Variants in TSPAN15 observed in about 807,000 individuals in gnomAD.
The protein encoded by TSPAN15 is tetraspanin-15.
Under a neutral mutation model 34.5 loss-of-function variants are expected in TSPAN15, and 20 were observed. That is an observed-to-expected ratio of 0.58 (90% CI 0.41 to 0.84). The LOEUF (loss-of-function observed/expected upper bound fraction) is 0.84, where lower values mean the gene tolerates loss of function less well. Among genes scored for constraint, TSPAN15 ranks in the 40% least tolerant of loss-of-function variants. TSPAN15 has a pLI of 0.00. For missense variants in TSPAN15, 313 were observed against 386.1 expected (o/e 0.81, Z 1.59); for synonymous variants, 155 against 153.9 (o/e 1.01, Z -0.05).
At chr10:69,511,709 T>C (rs1229608094), downstream of TSPAN15, among the ~76,000 whole-genome samples, 2 of 152,232 alleles carry the variant, frequency 1.3e-5, no homozygotes, top group Non-Finnish European at 2.9e-5. Context: ...TGTGGGCATT[T>C]AGTGCTATAA....
chr10:69,455,602 TTCTTTCTCTC>T (rs1382917373), intron 1 of TSPAN15, among the ~76,000 whole-genome samples: 1 of 118,758 alleles, frequency 8.4e-6, no homozygotes, highest in Admixed American at 8.2e-5. Flanking sequence ...CTTTCTTTCT[TTCTTTCTCTC>T]TCTCTCTCTC....
chr10:69,526,255 A>G, the TSPAN15 span, among the ~76,000 whole-genome samples: 1 of 147,944 alleles, frequency 6.8e-6, no homozygotes, highest in African/African-American at 2.5e-5. Flanking sequence ...ATGTTATCAA[A>G]ACTAATTTTA....
chr10:69,545,731 C>G, the TSPAN15 span, among the ~76,000 whole-genome samples: 1 of 151,972 alleles, frequency 6.6e-6, no homozygotes, highest in Non-Finnish European at 1.5e-5. Flanking sequence ...CGGAGGCAGG[C>G]GAATCACAAA....
At chr10:69,502,466 G>C (rs1050744201) in intron 5 of TSPAN15, among the ~76,000 whole-genome samples, 1 of 152,176 alleles carries the variant, frequency 6.6e-6, no homozygotes, top group Non-Finnish European at 1.5e-5. Context: ...CAGGGTGAGA[G>C]GATGCACACA....
chr10:69,520,993 C>CTTTTTTTT, the TSPAN15 span, among the ~76,000 whole-genome samples: 1 of 148,252 alleles, frequency 6.7e-6, no homozygotes. Flanking sequence ...TGTTATTTTC[C>CTTTTTTTT]TTTTTTTTTT....
the TSPAN15 span, chr10:69,523,550 C>T: frequency 4.9e-6 from 2 of 409,174 alleles, no homozygotes; most frequent in South Asian, 4.5e-5. Context: ...CCAGAGGCAT[C>T]TGGGAATTGG....
chr10:69,544,502 C>T, the TSPAN15 span, among the ~76,000 whole-genome samples: 12 of 152,134 alleles, frequency 7.9e-5, no homozygotes, highest in Admixed American at 1.3e-4. Context: ...CCTCCCGCAG[C>T]GGTTCAAAAG....
At chr10:69,513,563 C>T in the TSPAN15 span, among the ~76,000 whole-genome samples, 1 of 152,136 alleles carries the variant, frequency 6.6e-6, no homozygotes, top group Non-Finnish European at 1.5e-5. Flanking sequence ...GAGTTTTTAA[C>T]TTGATGAACT....
intron 1 of TSPAN15, among the ~76,000 whole-genome samples, chr10:69,464,120 G>T (rs1026951715): frequency 6.6e-6 from 1 of 152,242 alleles, no homozygotes; most frequent in African/African-American, 2.4e-5. Flanking sequence ...GCTGGAGGAG[G>T]CAAGAGGGCT....
intron 4 of TSPAN15, among the ~76,000 whole-genome samples, chr10:69,497,437 C>T (rs978958184): frequency 3.9e-5 from 6 of 152,168 alleles, no homozygotes; most frequent in African/African-American, 4.8e-5. Flanking sequence ...CTTGTTTCTG[C>T]GTGGGGCCTT....
intron 3 of TSPAN15, among the ~76,000 whole-genome samples, chr10:69,487,671 G>A (rs1217225961): frequency 6.6e-6 from 1 of 152,254 alleles, no homozygotes; most frequent in African/African-American, 2.4e-5. Flanking sequence ...GAGGCCATCT[G>A]ATTTGTCATT....
At chr10:69,512,324 G>C (rs1014653240), downstream of TSPAN15, among the ~76,000 whole-genome samples, 4 of 152,158 alleles carry the variant, frequency 2.6e-5, no homozygotes, top group African/African-American at 9.7e-5. Flanking sequence ...AGGTTTGTGG[G>C]CTTTGCTTTT....
Position 69,506,853 on chromosome 10 carries a change from C to T in TSPAN15, c.760C>T (p.Leu254=). The change falls in exon 8 of 8, where the codon CTG becomes TTG. Residue 254 remains leucine (L), a synonymous_variant. Coordinates refer to ENST00000373290, the MANE Select transcript of TSPAN15 (RefSeq NM_012339.5). This position sits in a 1 kb window ranked among gnomAD's most constrained non-coding sequence, Gnocchi z 4.7. ...GTTCCTGGGGGTGCTGCTGACGCTGCTGTACATCACCCGGGTGGAGGACAT... is the reference window on the plus strand; with the variant it reads ...GTTCCTGGGGGTGCTGCTGACGCTGTTGTACATCACCCGGGTGGAGGACAT... The part of the protein sequence containing the change: ...PQFLGVLLTL[L]YITRVEDIIM... 6.3e-7 allele frequency: 1 copy of T among 1,594,084 alleles called. No homozygotes were observed. Among genetic ancestry groups the T allele is most frequent in the Non-Finnish European group, 8.5e-7 (1 of 1,170,626 alleles).
the TSPAN15 span, chr10:69,523,383 T>C: frequency 1.7e-6 from 1 of 581,986 alleles, no homozygotes; most frequent in Admixed American, 2.7e-5. Flanking sequence ...TGCTGGGGTC[T>C]CCACCCCAAG....
At chr10:69,469,441 G>A (rs1292112774) in intron 1 of TSPAN15, among the ~76,000 whole-genome samples, 1 of 152,132 alleles carries the variant, frequency 6.6e-6, no homozygotes, top group Non-Finnish European at 1.5e-5. Context: ...GGCATCTGAA[G>A]GTCAGGCAAT....
chr10:69,540,101 G>A, the TSPAN15 span, among the ~76,000 whole-genome samples: 1 of 151,986 alleles, frequency 6.6e-6, no homozygotes, highest in East Asian at 2.0e-4. Context: ...ATGTTGGCCA[G>A]GCTGGTCTCG....
At chr10:69,514,904 T>C in the TSPAN15 span, among the ~76,000 whole-genome samples, 1 of 152,258 alleles carries the variant, frequency 6.6e-6, no homozygotes, top group African/African-American at 2.4e-5. Flanking sequence ...TTTCCCTTCA[T>C]AGCAACTGCT....
intron 3 of TSPAN15, among the ~76,000 whole-genome samples, chr10:69,488,795 A>G (rs1005177579): frequency 2.6e-5 from 4 of 152,206 alleles, no homozygotes; most frequent in Admixed American, 6.5e-5. Flanking sequence ...ACATGCTTCT[A>G]AGGGAAAAAT....
At chr10:69,539,517 G>C in the TSPAN15 span, among the ~76,000 whole-genome samples, 1 of 109,690 alleles carries the variant, frequency 9.1e-6, no homozygotes, top group Non-Finnish European at 2.0e-5. Flanking sequence ...AGAAGAAGAA[G>C]AAGAAGAAGA....
Sources: gnomAD v4.1 joint callset for allele counts (sites outside exome capture counted in the v4.1 genomes callset) on GRCh38, gnomAD v4.1.1 for gene constraint, Gnocchi (gnomAD v3.1) non-coding constraint, MANE v1.5 for transcripts, NCBI Gene and HGNC (gene_info 2026-07-23, HGNC 2026-07-21) for gene names.